The following CNR1 variants were observed in gnomAD, a reference collection of about 807,000 sequenced individuals.
CNR1 encodes cannabinoid receptor 1, also known as cannabinoid receptor 1 (brain).
CNR1 carries 10 observed loss-of-function variants against 23.0 expected under a neutral mutation model. That is an observed-to-expected ratio of 0.43 (90% CI 0.27 to 0.74). The LOEUF is 0.74. CNR1 is among the 30% of genes least tolerant of loss of function. The probability of loss-of-function intolerance (pLI) is 0.19; values close to 1 mark genes in which losing one functional copy is unlikely to be tolerated. For synonymous variants in CNR1, 271 were observed against 255.2 expected, an observed-to-expected ratio of 1.06 and a Z score of -0.59; for missense variants, 422 against 618.8, an observed-to-expected ratio of 0.68 and a Z score of 3.37.
chr6:88,148,637 A>G (rs888149154), intron 1 of CNR1, among the ~76,000 whole-genome samples: 4 of 152,204 alleles, frequency 2.6e-5, no homozygotes, highest in Non-Finnish European at 4.4e-5. Context: ...AATATGCTCT[A>G]TTTAGGTAAG....
chr6:88,162,491 T>C (rs1035136660), intron 1 of CNR1, among the ~76,000 whole-genome samples: 7 of 152,180 alleles, frequency 4.6e-5, no homozygotes, highest in Non-Finnish European at 1.0e-4. Flanking sequence ...TCTAAGAATA[T>C]ACAGAGAATT....
intron 1 of CNR1, among the ~76,000 whole-genome samples, chr6:88,157,407 T>G (rs1777860136): frequency 6.6e-6 from 1 of 152,212 alleles, no homozygotes; most frequent in Non-Finnish European, 1.5e-5. Flanking sequence ...CTCCTCCTGC[T>G]ACAACATTTT....
At chr6:88,151,457 T>A (rs370608468) in intron 1 of CNR1, among the ~76,000 whole-genome samples, 6 of 152,282 alleles carry the variant, frequency 3.9e-5, no homozygotes, top group African/African-American at 1.4e-4. Flanking sequence ...GGGCAATCAG[T>A]CTTTCTAAGC....
Position 88,159,635 on chromosome 6 carries a change from T to C in CNR1, c.-64+6168A>G, listed in dbSNP as rs78878966. The stretch of plus-strand genomic sequence containing the variant: ...TCTCATTTCCAAAAGTAGCTGTGTA[T>C]CTTCCAAAGTCAAATTCCCACATAC... On this transcript the variant is annotated intron_variant, in intron 1 of 1. Coordinates refer to ENST00000369501, the MANE Select transcript of CNR1 (RefSeq NM_016083.6). Among the ~76,000 whole-genome samples, 365 of 152,342 alleles carry C rather than the reference T, an allele frequency of 2.4e-3. 5 individuals carry two copies. In the East Asian group the frequency reaches 0.05, roughly 21 times the overall value.
At chr6:88,153,968 G>C (rs1777662882) in intron 1 of CNR1, among the ~76,000 whole-genome samples, 1 of 152,160 alleles carries the variant, frequency 6.6e-6, no homozygotes, top group South Asian at 2.1e-4. Context: ...CTACAGCAAA[G>C]TGAAATAACT....
Position 88,144,413 on chromosome 6 carries a change from G to A in CNR1, c.862C>T (p.Leu288=). Residue 288 remains leucine, a synonymous_variant, in exon 2 of 2, where the codon CTG becomes TTG. Transcript: ENST00000369501. The surrounding 1 kb of genome is among the most constrained non-coding windows in gnomAD (Gnocchi z 7.8). ...FWIGVTSVLL[L]FIVYAYMYIL... is the part of the protein sequence containing the mutation. ...TACATGTACGCATACACGATGAACA[G>A]AAGCAGTACGCTGGTGACCCCGATC... 1 of 1,614,134 alleles carries A rather than the reference G, an allele frequency of 6.2e-7. No homozygotes were observed. Among genetic ancestry groups the A allele is most frequent in the East Asian group, 2.2e-5 (1 of 44,886 alleles).
In CNR1 at chr6:88,142,912, A is replaced by C. The variant is rs1776905125; in HGVS notation, c.*944T>G. 1 of 152,798 alleles carries C rather than the reference A, an allele frequency of 6.5e-6. No homozygotes were observed. Among genetic ancestry groups the C allele is most frequent in the Non-Finnish European group, 1.5e-5 (1 of 68,050 alleles). The allele number at this position is 152,798 out of a possible 1,614,324, so 9.5% of individuals were successfully genotyped here. A position where few individuals can be genotyped will look rare whatever the true frequency, so the allele number is the denominator to read the frequency against. ...GGAATATAGGAACACAATACTATTC[A>C]AGTAAACAGCAACTGCACAGTGATA... On this transcript the variant is annotated 3_prime_UTR_variant, in exon 2 of 2. Coordinates refer to ENST00000369501, the MANE Select transcript of CNR1 (RefSeq NM_016083.6).
chr6:88,164,541 T>C lies in CNR1; in HGVS notation c.-64+1262A>G, dbSNP rs183567200. Among the ~76,000 whole-genome samples, 30 of 152,282 alleles carry C rather than the reference T, an allele frequency of 2.0e-4. 1 individual carries two copies. In the East Asian group the frequency reaches 2.9e-3, roughly 15 times the overall value. On this transcript the variant is annotated intron_variant, in intron 1 of 1. Transcript: ENST00000369501. ...AACTATAAATGGCCTTTTATTTTTATAAAATTGCTCTTAACTGAGTTAGAG... is the reference window on the plus strand; with the variant it reads ...AACTATAAATGGCCTTTTATTTTTACAAAATTGCTCTTAACTGAGTTAGAG...
Position 88,144,649 on chromosome 6 carries a change from A to T in CNR1, c.626T>A (p.Leu209His). ...SFTASVGSLFLTAIDRYISIH... is the reference protein window; with the variant it reads ...SFTASVGSLFHTAIDRYISIH... The stretch of plus-strand genomic sequence containing the variant: ...GGATATGTACCTGTCGATGGCTGTG[A>T]GGAACAGGCTGCCCACGGAGGCAGT... The change falls in exon 2 of 2, where the codon CTC (leucine) becomes CAC (histidine). Residue 209 changes from leucine (L) to histidine (H), a missense_variant. This residue lies in a region of CNR1 where 211 missense variants were observed against 357.3 expected (regional missense o/e 0.59). Transcript: ENST00000369501. The surrounding 1 kb of genome is among the most constrained non-coding windows in gnomAD (Gnocchi z 7.8). 6.2e-7 allele frequency: 1 copy of T among 1,614,196 alleles called. No homozygotes were observed. Among genetic ancestry groups the T allele is most frequent in the East Asian group, 2.2e-5 (1 of 44,874 alleles).
Position 88,143,876 on chromosome 6 carries a change from T to C in CNR1, c.1399A>G (p.Thr467Ala). Reference sequence around the variant, plus strand: ...CAGGCTCACAGAGCCTCGGCAGACGTGTCTGTGGACACAGACATGGTTACC... The same window carrying C: ...CAGGCTCACAGAGCCTCGGCAGACGCGTCTGTGGACACAGACATGGTTACC... ...AKVTMSVSTD[T>A]SAEAL Residue 467 changes from threonine to alanine, a missense_variant, in exon 2 of 2, where the codon ACG becomes GCG. Transcript: ENST00000369501. 1 of 1,613,902 alleles carries C rather than the reference T, an allele frequency of 6.2e-7. No individual in the cohort carries two copies. The highest frequency in any genetic ancestry group is 1.1e-5 in the South Asian group (1 of 91,082).
Position 88,145,204 on chromosome 6 carries a change from C to T in CNR1, c.71G>A (p.Gly24Asp). The part of the protein sequence containing the change: ...RTITTDLLYV[G>D]SNDIQYEDIK... The stretch of plus-strand genomic sequence containing the variant: ...GTCTTCGTACTGAATGTCATTTGAG[C>T]CCACGTACAGGAGGTCAGTGGTGAT... Residue 24 changes from glycine (G) to aspartate (D), a missense_variant, in exon 2 of 2, where the codon GGC (glycine) becomes GAC (aspartate). Gly to Asp is a moderately conservative substitution (Grantham distance 94, BLOSUM62 -1). This residue lies in a region of CNR1 where 120 missense variants were observed against 117.6 expected (regional missense o/e 1.02). Transcript: ENST00000369501. 1 of 1,614,072 alleles carries T rather than the reference C, an allele frequency of 6.2e-7. No homozygotes were observed. The highest frequency in any genetic ancestry group is 8.5e-7 in the Non-Finnish European group (1 of 1,180,002).
At chr6:88,159,484 C>A (rs1777972539) in intron 1 of CNR1, among the ~76,000 whole-genome samples, 1 of 152,174 alleles carries the variant, frequency 6.6e-6, no homozygotes, top group African/African-American at 2.4e-5. Context: ...TGACTCTGGG[C>A]AAACTGTTCT....
chr6:88,145,946 A>G (rs115741289), intron 1 of CNR1, among the ~76,000 whole-genome samples: 52 of 152,294 alleles, frequency 3.4e-4, no homozygotes, highest in African/African-American at 1.2e-3. Context: ...CCATGTGGGG[A>G]GAGATGCTCC....
intron 1 of CNR1, among the ~76,000 whole-genome samples, chr6:88,159,886 A>G (rs556874253): frequency 8.9e-4 from 135 of 152,350 alleles, no homozygotes; most frequent in African/African-American, 3.0e-3. Context: ...AGTGGCATTA[A>G]GTCCCTCATA....
At chr6:88,161,170 A>T (rs1257948408) in intron 1 of CNR1, among the ~76,000 whole-genome samples, 1 of 152,236 alleles carries the variant, frequency 6.6e-6, no homozygotes, top group East Asian at 1.9e-4. Context: ...CCATCTAACC[A>T]GTCTCTACAT....
intron 1 of CNR1, among the ~76,000 whole-genome samples, chr6:88,146,749 C>T (rs1777211048): frequency 6.6e-6 from 1 of 152,156 alleles, no homozygotes; most frequent in Admixed American, 6.5e-5. Flanking sequence ...CAATATATTA[C>T]TTGTTAATTG....
At chr6:88,166,792 C>CGGAAGGGGAAGG (rs57363397), upstream of CNR1, among the ~76,000 whole-genome samples, 3 of 151,128 alleles carry the variant, frequency 2.0e-5, no homozygotes, top group South Asian at 2.1e-4. Context: ...CGGGCTGAGC[C>CGGAAGGGGAAGG]GGAAGGGGAA....
chr6:88,160,208 T>G (rs780955859), intron 1 of CNR1, among the ~76,000 whole-genome samples: 34 of 152,044 alleles, frequency 2.2e-4, no homozygotes, highest in Non-Finnish European at 7.4e-5. Context: ...TGAGAATCGC[T>G]TGAACCCAGG....
chr6:88,162,092 G>A (rs975018475), intron 1 of CNR1, among the ~76,000 whole-genome samples: 3 of 152,266 alleles, frequency 2.0e-5, no homozygotes, highest in South Asian at 2.1e-4. Flanking sequence ...TTCTTAGAAC[G>A]CATGGGACTG....
Sources: gnomAD v4.1 joint callset for allele counts (sites outside exome capture counted in the v4.1 genomes callset) on GRCh38, gnomAD v4.1.1 for gene constraint, gnomAD v4.1.1 regional missense constraint, Gnocchi (gnomAD v3.1) non-coding constraint, MANE v1.5 for transcripts, NCBI Gene and HGNC (gene_info 2026-07-23, HGNC 2026-07-21) for gene names.